Variants in IDE observed in about 807,000 individuals in gnomAD.
IDE encodes insulin degrading enzyme.
IDE carries 58 observed loss-of-function variants against 133.2 expected under a neutral mutation model. The ratio of observed to expected loss-of-function variants is 0.44; its 90% confidence interval spans 0.35 to 0.54. IDE has a LOEUF of 0.54. IDE is among the 20% of genes least tolerant of loss of function. The probability of loss-of-function intolerance (pLI) is 0.00; values close to 1 mark genes in which losing one functional copy is unlikely to be tolerated. For synonymous variants in IDE, 396 were observed against 421.3 expected, an observed-to-expected ratio of 0.94 and a Z score of 0.73; for missense variants, 981 against 1,234.0, an observed-to-expected ratio of 0.79 and a Z score of 3.07.
intron 1 of IDE, among the ~76,000 whole-genome samples, chr10:92,543,771 A>G (rs892407802): frequency 7.9e-5 from 12 of 152,240 alleles, no homozygotes; most frequent in African/African-American, 2.9e-4. Context: ...TGACAAGCTT[A>G]ACACAGAACA....
At chr10:92,465,293 C>A (rs79214649) in intron 20 of IDE, among the ~76,000 whole-genome samples, 2,935 of 152,264 alleles carry the variant, frequency 0.019, 44 homozygotes, top group Admixed American at 0.052. Context: ...ATGTCCCAGG[C>A]TTGGGATATA....
chr10:92,500,360 A>G (rs967371803), intron 11 of IDE, among the ~76,000 whole-genome samples: 2 of 152,140 alleles, frequency 1.3e-5, no homozygotes, highest in African/African-American at 4.8e-5. Context: ...GTATATACAT[A>G]TAATGGAACA....
intron 20 of IDE, among the ~76,000 whole-genome samples, chr10:92,464,773 T>G (rs1414652830): frequency 6.6e-6 from 1 of 152,166 alleles, no homozygotes; most frequent in Non-Finnish European, 1.5e-5. Flanking sequence ...CGGGTTCAAG[T>G]GATTCTCTGC....
chr10:92,566,440 A>AC (rs1843556147), intron 1 of IDE, among the ~76,000 whole-genome samples: 6 of 141,626 alleles, frequency 4.2e-5, no homozygotes, highest in Admixed American at 4.2e-4. Flanking sequence ...CACACACACA[A>AC]CATAGGCAAA....
Position 92,507,666 on chromosome 10 carries a change from A to G in IDE, c.1154T>C (p.Leu385Ser), listed in dbSNP as rs1235542550. ...GTGCAAAATTATATCTTCAACATGT[A>G]CTGGAAAAAAGGGGCACACTTAAAA... The part of the protein sequence containing the change: ...INVDLTEEGL[L>S]HVEDIILHMF... Residue 385 changes from leucine to serine, a missense_variant and splice_region_variant, in exon 9 of 25, where the codon TTA becomes TCA. By Grantham distance (145) the Leu-to-Ser change is moderately radical. Around this residue, in one of 2 missense-constraint regions of IDE, gnomAD observed 660 missense variants for 894.7 expected, o/e 0.74. Coordinates refer to ENST00000265986, the MANE Select transcript of IDE (RefSeq NM_004969.4). 2 of 1,545,954 alleles carry G rather than the reference A, an allele frequency of 1.3e-6. No individual in the cohort carries two copies. The highest frequency in any genetic ancestry group is 1.8e-6 in the Non-Finnish European group (2 of 1,118,082).
intron 1 of IDE, 99 bp downstream of exon 1, chr10:92,573,823 C>T (rs937108838): frequency 8.2e-5 from 66 of 809,066 alleles, no homozygotes; most frequent in Non-Finnish European, 1.1e-4. Flanking sequence ...TGAGGGGCAG[C>T]GGTGGCGGCT....
chr10:92,493,754 CAA>C (rs1234114932), intron 11 of IDE, among the ~76,000 whole-genome samples: 1 of 151,982 alleles, frequency 6.6e-6, no homozygotes, highest in Non-Finnish European at 1.5e-5. Flanking sequence ...ACCAGACTAA[CAA>C]AAAGAGATAC....
chr10:92,498,904 TGTTGGTA>T (rs982576402), intron 11 of IDE, among the ~76,000 whole-genome samples: 37 of 152,322 alleles, frequency 2.4e-4, no homozygotes, highest in African/African-American at 7.9e-4. Flanking sequence ...TTTCTCCTCA[TGTTGGTA>T]AGAGGTTTTA....
chr10:92,509,999 A>G, intron 6 of IDE, 51 bp downstream of exon 6: 1 of 846,624 alleles, frequency 1.2e-6, no homozygotes, highest in Non-Finnish European at 2.0e-6. Context: ...AACTAGGTAT[A>G]TATTATGTCC....
intron 11 of IDE, among the ~76,000 whole-genome samples, chr10:92,501,495 C>G: frequency 6.8e-6 from 1 of 146,486 alleles, no homozygotes; most frequent in Non-Finnish European, 1.5e-5. Flanking sequence ...CATGGTGAAA[C>G]CCTGTCTCTA....
chr10:92,498,628 G>T (rs550631766), intron 11 of IDE, among the ~76,000 whole-genome samples: 60 of 152,252 alleles, frequency 3.9e-4, no homozygotes, highest in Non-Finnish European at 6.9e-4. Flanking sequence ...GTGGTGGCAG[G>T]CACCTGTAAT....
chr10:92,501,196 C>CA (rs1384414389), intron 11 of IDE, among the ~76,000 whole-genome samples: 2 of 146,758 alleles, frequency 1.4e-5, no homozygotes, highest in African/African-American at 2.5e-5. Context: ...TCTCTCTCTA[C>CA]AAAAAAATTA....
intron 4 of IDE, among the ~76,000 whole-genome samples, chr10:92,516,755 G>C (rs577206243): frequency 3.8e-4 from 58 of 152,148 alleles, no homozygotes. Context: ...TCATAGATGT[G>C]ATCTAGACTG....
chr10:92,475,011 A>AT (rs1846176393), intron 16 of IDE, 50 bp from the exon 17 acceptor site: 9 of 1,433,846 alleles, frequency 6.3e-6, no homozygotes, highest in Non-Finnish European at 7.7e-6. Flanking sequence ...TTTAAAAATC[A>AT]TTTCAAAAGT....
chr10:92,500,063 C>T (rs143151188), intron 11 of IDE, among the ~76,000 whole-genome samples: 3,035 of 151,966 alleles, frequency 0.02, 49 homozygotes, highest in Admixed American at 0.058. Flanking sequence ...TTTGGGAGGC[C>T]GAGAACGGTG....
At chr10:92,568,710 G>A (rs939279789) in intron 1 of IDE, among the ~76,000 whole-genome samples, 1 of 152,108 alleles carries the variant, frequency 6.6e-6, no homozygotes, top group Non-Finnish European at 1.5e-5. Context: ...CAGCTACTTG[G>A]GAGGCTGAGG....
At chr10:92,563,346 G>C (rs1329019658) in intron 1 of IDE, among the ~76,000 whole-genome samples, 4 of 151,954 alleles carry the variant, frequency 2.6e-5, no homozygotes, top group African/African-American at 9.7e-5. Flanking sequence ...CAGCTCCTTA[G>C]GAGGCTGAAG....
chr10:92,572,001 C>T (rs1253910703), intron 1 of IDE, among the ~76,000 whole-genome samples: 1 of 152,190 alleles, frequency 6.6e-6, no homozygotes, highest in African/African-American at 2.4e-5. Context: ...AAGCCTCACT[C>T]ACTGATTTTA....
intron 4 of IDE, among the ~76,000 whole-genome samples, chr10:92,531,177 T>A (rs946012944): frequency 1.2e-4 from 18 of 152,192 alleles, no homozygotes; most frequent in African/African-American, 4.1e-4. Context: ...AGTACTTTTT[T>A]AATGAAAAAT....
Sources: gnomAD v4.1 joint callset for allele counts (sites outside exome capture counted in the v4.1 genomes callset) on GRCh38, gnomAD v4.1.1 for gene constraint, gnomAD v4.1.1 regional missense constraint, MANE v1.5 for transcripts, NCBI Gene and HGNC (gene_info 2026-07-23, HGNC 2026-07-21) for gene names.